The following KSR2 variants were observed in gnomAD, a reference collection of about 807,000 sequenced individuals.
KSR2 encodes kinase suppressor of ras 2.
A neutral mutation model predicts 107.8 loss-of-function variants in KSR2; 25 were observed. The ratio of observed to expected loss-of-function variants is 0.23; its 90% CI spans 0.17 to 0.32. KSR2 has a LOEUF of 0.32. KSR2 is among the 10% of genes least tolerant of loss of function. The probability of loss-of-function intolerance (pLI) is 1.00; values close to 1 mark genes in which losing one functional copy is unlikely to be tolerated. For synonymous variants in KSR2, 480 were observed against 507.0 expected, an observed-to-expected ratio of 0.95 and a Z score of 0.71; for missense variants, 887 against 1,268.9, an observed-to-expected ratio of 0.70 and a Z score of 4.57.
At chr12:117,793,043 C>A (rs1458539528) in intron 3 of KSR2, among the ~76,000 whole-genome samples, 1 of 146,564 alleles carries the variant, frequency 6.8e-6, no homozygotes, top group African/African-American at 2.6e-5. Flanking sequence ...TGCACACACG[C>A]TCACATCAAC....
intron 3 of KSR2, among the ~76,000 whole-genome samples, chr12:117,788,437 A>G (rs1432357732): frequency 6.6e-6 from 1 of 152,236 alleles, no homozygotes; most frequent in Non-Finnish European, 1.5e-5. Flanking sequence ...GGAGATTAAA[A>G]AAGCACATTA....
intron 1 of KSR2, among the ~76,000 whole-genome samples, chr12:117,861,377 G>C (rs113269938): frequency 6.9e-5 from 8 of 116,010 alleles, no homozygotes; most frequent in African/African-American, 1.0e-4. Flanking sequence ...CTCCCAATTC[G>C]CTTTTTTTTT....
At chr12:117,831,238 A>C (rs1870555065) in intron 3 of KSR2, among the ~76,000 whole-genome samples, 1 of 152,072 alleles carries the variant, frequency 6.6e-6, no homozygotes, top group Non-Finnish European at 1.5e-5. Flanking sequence ...TTCTTTTTCC[A>C]TCCTGGTTCT....
chr12:117,792,756 A>G lies in KSR2; in HGVS notation c.473-31232T>C, dbSNP rs185567951. On this transcript the variant is annotated intron_variant, in intron 3 of 19. Transcript: ENST00000339824. ...TGTCATAATGTGATTGATGCACCCA[A>G]TCATAAAAATAACCAGTTATTTTGA... Among the ~76,000 whole-genome samples the G allele has an allele frequency of 9.2e-5, 14 of 152,336 alleles. No individual in the cohort carries two copies. The East Asian group carries it at 1.9e-3, about 21-fold the overall frequency.
chr12:117,903,477 G>GT (rs1894750177), intron 1 of KSR2, among the ~76,000 whole-genome samples: 1 of 152,160 alleles, frequency 6.6e-6, no homozygotes, highest in Admixed American at 6.5e-5. Context: ...ATATACTTAT[G>GT]TTTTATTTAA....
intron 1 of KSR2, among the ~76,000 whole-genome samples, chr12:117,933,669 G>C (rs1319503810): frequency 6.6e-6 from 1 of 152,122 alleles, no homozygotes; most frequent in Non-Finnish European, 1.5e-5. Context: ...CAGGAAACCC[G>C]ATAAACAGCA....
In KSR2 at chr12:117,627,070, C is replaced by G. The variant is rs1028188404; in HGVS notation, c.1171+40404G>C. ...TTTGCTTGGTAGATCTTCCTCCATC[C>G]CTTTATTTTGAGCCTATGTGCGTCT... On this transcript the variant is annotated intron_variant, in intron 5 of 19. Coordinates refer to ENST00000339824, the MANE Select transcript of KSR2 (RefSeq NM_173598.6). 3.2e-4 allele frequency among the ~76,000 whole-genome samples: 49 copies of G among 151,802 alleles called. 1 individual carries two copies. Among genetic ancestry groups the G allele is most frequent in the Non-Finnish European group, 7.4e-5 (5 of 68,014 alleles).
chr12:117,519,666 A>C (rs1365111119), intron 14 of KSR2, among the ~76,000 whole-genome samples: 1 of 152,060 alleles, frequency 6.6e-6, no homozygotes, highest in African/African-American at 2.4e-5. Flanking sequence ...TTTTGCAGGG[A>C]AAGATAGAGT....
intron 1 of KSR2, among the ~76,000 whole-genome samples, chr12:117,914,345 C>T (rs1895112205): frequency 6.6e-6 from 1 of 150,798 alleles, no homozygotes. Context: ...ACGAGAATCG[C>T]TCGAACCCAG....
At position 117,942,077 on chromosome 12, in the gene KSR2, T is replaced by C. The variant is rs563399559; in HGVS notation, c.180+25999A>G. On this transcript the variant is annotated intron_variant, in intron 1 of 19. Coordinates refer to ENST00000339824, the MANE Select transcript of KSR2 (RefSeq NM_173598.6). ...TATATTTCTTTCTCTTTTTGCTTAC[T>C]TTTAATTTGTATGTATACATAATAG... Among the ~76,000 whole-genome samples the C allele has an allele frequency of 1.2e-4, 19 of 152,320 alleles. No homozygotes were observed. The South Asian group carries it at 3.7e-3, about 30-fold the overall frequency.
intron 5 of KSR2, among the ~76,000 whole-genome samples, chr12:117,613,072 C>A (rs1031701549): frequency 1.3e-5 from 2 of 152,156 alleles, no homozygotes; most frequent in Non-Finnish European, 2.9e-5. Flanking sequence ...TGGGAACAGA[C>A]TAATACAGAC....
intron 1 of KSR2, among the ~76,000 whole-genome samples, chr12:117,938,127 T>C (rs1281860551): frequency 2.0e-5 from 3 of 152,168 alleles, no homozygotes; most frequent in African/African-American, 2.4e-5. Context: ...CTCTAGCTAA[T>C]GCTGTCATCC....
chr12:117,875,804 G>A (rs957634108), intron 1 of KSR2, among the ~76,000 whole-genome samples: 1 of 151,992 alleles, frequency 6.6e-6, no homozygotes, highest in Non-Finnish European at 1.5e-5. Context: ...TTCCTTGGTG[G>A]CACTTTGCTA....
intron 4 of KSR2, among the ~76,000 whole-genome samples, chr12:117,753,831 A>G: frequency 6.6e-6 from 1 of 151,722 alleles, no homozygotes. Context: ...AAAAAAAAAA[A>G]AGAAGAAGGA....
chr12:117,879,694 G>A (rs1893966680), intron 1 of KSR2, among the ~76,000 whole-genome samples: 1 of 152,190 alleles, frequency 6.6e-6, no homozygotes, highest in Non-Finnish European at 1.5e-5. Flanking sequence ...TCCAGCCTGG[G>A]CGCCAGAGCG....
At chr12:117,558,691 A>G in intron 7 of KSR2, 118 bp from the exon 8 acceptor site, 2 of 712,532 alleles carry the variant, frequency 2.8e-6, no homozygotes. Flanking sequence ...GGGTGAATGG[A>G]TGGGTAGATG....
intron 10 of KSR2, among the ~76,000 whole-genome samples, chr12:117,537,928 T>C (rs1476082970): frequency 6.6e-6 from 1 of 152,142 alleles, no homozygotes; most frequent in Non-Finnish European, 1.5e-5. Context: ...TGTGGTCCTT[T>C]TGTGCACAGT....
chr12:117,614,748 G>A (rs955860416), intron 5 of KSR2, among the ~76,000 whole-genome samples: 1 of 152,176 alleles, frequency 6.6e-6, no homozygotes, highest in African/African-American at 2.4e-5. Context: ...TTACGCCTGT[G>A]AAATAATTTT....
chr12:117,806,401 G>A (rs1052912948), intron 3 of KSR2, among the ~76,000 whole-genome samples: 2 of 152,258 alleles, frequency 1.3e-5, no homozygotes, highest in Non-Finnish European at 2.9e-5. Flanking sequence ...AACCAGGAGC[G>A]AGACTCATGG....
Sources: allele counts gnomAD v4.1 joint callset (sites outside exome capture counted in the v4.1 genomes callset), GRCh38; gene constraint gnomAD v4.1.1; transcripts MANE v1.5; gene names NCBI Gene and HGNC (gene_info 2026-07-23, HGNC 2026-07-21).